The following ANKRD6 variants were observed in gnomAD, a reference collection of about 807,000 sequenced individuals.
ANKRD6 encodes the protein ankyrin repeat domain-containing protein 6.
A neutral mutation model predicts 82.3 loss-of-function variants in ANKRD6; 56 were observed. That is an observed-to-expected ratio of 0.68 (90% CI 0.55 to 0.85). The LOEUF is 0.85. Among genes scored for constraint, ANKRD6 ranks in the 40% least tolerant of loss-of-function variants. The pLI, the probability that ANKRD6 is intolerant of heterozygous loss-of-function variation, is 0.00. For synonymous variants in ANKRD6, 347 were observed against 352.1 expected, an observed-to-expected ratio of 0.99 and a Z score of 0.16; for missense variants, 852 against 907.6, an observed-to-expected ratio of 0.94 and a Z score of 0.79.
rs745750251 is a variant in ANKRD6, at chr6:89,629,098, T to C, written c.1486-14T>C. 1 of 1,226,288 alleles carries C rather than the reference T, an allele frequency of 8.2e-7. No individual in the cohort carries two copies. Among genetic ancestry groups the C allele is most frequent in the African/African-American group, 1.9e-5 (1 of 52,000 alleles). The allele number at this position is 1,226,288 out of a possible 1,614,324, so 76.0% of individuals were successfully genotyped here. On this transcript the variant is annotated splice_polypyrimidine_tract_variant and intron_variant, in intron 14 of 15. Coordinates refer to ENST00000339746, the MANE Select transcript of ANKRD6 (RefSeq NM_001242809.2). ...TCTATGTACTTATTTGTGGGGTTTG[T>C]TTTTTTTTTTAAGATATCCTTGGTG...
At chr6:89,479,970 CTG>C (rs1776592353) in intron 1 of ANKRD6, among the ~76,000 whole-genome samples, 1 of 152,040 alleles carries the variant, frequency 6.6e-6, no homozygotes, top group Non-Finnish European at 1.5e-5. Context: ...CTTTTAAAGA[CTG>C]AAACTTTCCT....
At chr6:89,471,637 G>C (rs931660483) in intron 1 of ANKRD6, among the ~76,000 whole-genome samples, 4 of 152,046 alleles carry the variant, frequency 2.6e-5, no homozygotes, top group Admixed American at 2.0e-4. Context: ...GTGTGGGTGT[G>C]TGTGTGTTTT....
At chr6:89,498,109 T>C (rs938025652) in intron 1 of ANKRD6, among the ~76,000 whole-genome samples, 9 of 152,312 alleles carry the variant, frequency 5.9e-5, no homozygotes, top group African/African-American at 2.2e-4. Context: ...AATTTCACAA[T>C]TAGACTAGTG....
chr6:89,551,777 A>G (rs575941825), intron 1 of ANKRD6, among the ~76,000 whole-genome samples: 1 of 152,312 alleles, frequency 6.6e-6, no homozygotes, highest in East Asian at 1.9e-4. Context: ...ATCTCAGCTA[A>G]TTTTTGTTGT....
chr6:89,516,327 T>G (rs1781206326), intron 1 of ANKRD6, among the ~76,000 whole-genome samples: 1 of 152,212 alleles, frequency 6.6e-6, no homozygotes, highest in Non-Finnish European at 1.5e-5. Context: ...GACATCAATC[T>G]TCTGCCCTTC....
chr6:89,538,496 C>T (rs1268916258), intron 1 of ANKRD6, among the ~76,000 whole-genome samples: 1 of 152,116 alleles, frequency 6.6e-6, no homozygotes, highest in Non-Finnish European at 1.5e-5. Flanking sequence ...GAGTACAGAG[C>T]GGAAGAAGCA....
intron 1 of ANKRD6, among the ~76,000 whole-genome samples, chr6:89,484,254 C>T (rs1777116258): frequency 6.6e-6 from 1 of 152,160 alleles, no homozygotes; most frequent in South Asian, 2.1e-4. Flanking sequence ...TCTGAAACTT[C>T]AGTGTCCTAT....
intron 1 of ANKRD6, among the ~76,000 whole-genome samples, chr6:89,534,087 AT>A (rs1437029980): frequency 6.6e-6 from 1 of 152,144 alleles, no homozygotes; most frequent in Non-Finnish European, 1.5e-5. Context: ...GGGATAAGTT[AT>A]TTTTTTCTCT....
intron 2 of ANKRD6, among the ~76,000 whole-genome samples, chr6:89,567,342 C>CTCTCCTT (rs1788756062): frequency 6.6e-6 from 1 of 152,130 alleles, no homozygotes; most frequent in African/African-American, 2.4e-5. Context: ...ATTTCTTTAG[C>CTCTCCTT]TAAATGGAGA....
intron 1 of ANKRD6, among the ~76,000 whole-genome samples, chr6:89,512,702 GC>G (rs1277879892): frequency 6.6e-6 from 1 of 152,196 alleles, no homozygotes; most frequent in Non-Finnish European, 1.5e-5. Flanking sequence ...TGTCAGAAAT[GC>G]CAATAAGCTT....
chr6:89,441,665 T>A (rs1484167836), intron 1 of ANKRD6, among the ~76,000 whole-genome samples: 1 of 138,574 alleles, frequency 7.2e-6, no homozygotes, highest in African/African-American at 2.7e-5. Flanking sequence ...AGAGTTTTGC[T>A]CTTATTGCCC....
chr6:89,580,285 C>G (rs141872833), intron 2 of ANKRD6, among the ~76,000 whole-genome samples: 88 of 150,732 alleles, frequency 5.8e-4, no homozygotes, highest in African/African-American at 1.6e-3. Flanking sequence ...CTGAATAAGT[C>G]CTTTGTAGGT....
At chr6:89,552,705 T>A (rs1044478330) in intron 1 of ANKRD6, among the ~76,000 whole-genome samples, 1 of 152,048 alleles carries the variant, frequency 6.6e-6, no homozygotes, top group Non-Finnish European at 1.5e-5. Context: ...CCCTTGGGAG[T>A]AGCTCCCTAG....
At chr6:89,447,398 A>C (rs1772222660) in intron 1 of ANKRD6, among the ~76,000 whole-genome samples, 1 of 152,202 alleles carries the variant, frequency 6.6e-6, no homozygotes, top group Non-Finnish European at 1.5e-5. Flanking sequence ...CCAAGGCCTA[A>C]CCCAGAACAA....
At chr6:89,491,380 A>T (rs1054339938) in intron 1 of ANKRD6, among the ~76,000 whole-genome samples, 4 of 151,996 alleles carry the variant, frequency 2.6e-5, no homozygotes, top group Non-Finnish European at 4.4e-5. Flanking sequence ...TTCCCCCACA[A>T]CCCCTGCCCT....
chr6:89,483,966 A>T (rs1422695881), intron 1 of ANKRD6, among the ~76,000 whole-genome samples: 1 of 151,984 alleles, frequency 6.6e-6, no homozygotes, highest in African/African-American at 2.4e-5. Flanking sequence ...CCCAGGCTGG[A>T]GTGCAGTGGT....
chr6:89,446,223 A>T (rs1489631376), intron 1 of ANKRD6, among the ~76,000 whole-genome samples: 1 of 152,078 alleles, frequency 6.6e-6, no homozygotes, highest in Non-Finnish European at 1.5e-5. Context: ...ATGCTGGTGC[A>T]TGTCTATAAT....
intron 9 of ANKRD6, 157 bp from the exon 10 acceptor site, chr6:89,621,765 T>C (rs1583882773): frequency 1.5e-6 from 1 of 688,082 alleles, no homozygotes; most frequent in East Asian, 2.7e-5. Context: ...CCTAGGAGGA[T>C]GGTAGGTGGT....
chr6:89,467,145 T>C (rs2127781052), intron 1 of ANKRD6, among the ~76,000 whole-genome samples: 1 of 152,010 alleles, frequency 6.6e-6, no homozygotes, highest in South Asian at 2.1e-4. Flanking sequence ...AGTTCAAGTC[T>C]AGCCTGGGCA....
Sources: allele counts gnomAD v4.1 joint callset (sites outside exome capture counted in the v4.1 genomes callset), GRCh38; gene constraint gnomAD v4.1.1; transcripts MANE v1.5; gene names NCBI Gene and HGNC (gene_info 2026-07-23, HGNC 2026-07-21).